RIPOR2: variants seen among roughly 807,000 people sequenced by gnomAD.
RIPOR2 encodes rho family-interacting cell polarization regulator 2.
A neutral mutation model predicts 114.5 loss-of-function variants in RIPOR2; 39 were observed. The ratio of observed to expected loss-of-function variants is 0.34; its 90% CI spans 0.26 to 0.44. The LOEUF is 0.44. Among genes scored for constraint, RIPOR2 ranks in the 20% least tolerant of loss-of-function variants. RIPOR2 has a pLI of 1.00. For synonymous variants in RIPOR2, 445 were observed against 484.4 expected (o/e 0.92, Z 1.07); for missense variants, 1,007 against 1,255.1 (o/e 0.80, Z 2.99).
Position 25,033,296 on chromosome 6 carries a change from A to T in RIPOR2, c.76+8555T>A, listed in dbSNP as rs149101817. Among the ~76,000 whole-genome samples, 679 of 152,332 alleles carry T rather than the reference A, an allele frequency of 4.5e-3. 2 individuals are homozygous for T. The highest frequency in any genetic ancestry group is 6.2e-3 in the Non-Finnish European group (423 of 68,034). On this transcript the variant is annotated intron_variant, in intron 1 of 13. Transcript: ENST00000510784. ...ACTTAATGGGCTATAATCTATTAAC[A>T]TCATTGTTTATTTGATGCTCACAGT...
rs1289495509 is a variant in RIPOR2 at position 24,858,651 on chromosome 6, A to G, written c.715+2322T>C. 6.6e-6 allele frequency among the ~76,000 whole-genome samples: 1 copy of G among 152,112 alleles called. No individual in the cohort carries two copies. The highest frequency in any genetic ancestry group is 1.5e-5 in the Non-Finnish European group (1 of 68,022). The stretch of plus-strand genomic sequence containing the variant: ...AAGTGGAGGAGACAGGAGTCTATCA[A>G]TGAGGAAGGAGATTTAGTCTCAGGC... On this transcript the variant is annotated intron_variant, in intron 8 of 21. Coordinates refer to ENST00000643898, the MANE Select transcript of RIPOR2 (RefSeq NM_001286445.3). This position sits in a 1 kb window ranked among gnomAD's most constrained non-coding sequence, Gnocchi z 4.0.
intron 17 of RIPOR2, among the ~76,000 whole-genome samples, chr6:24,829,494 G>A (rs1277865031): frequency 3.9e-5 from 6 of 152,022 alleles, no homozygotes; most frequent in African/African-American, 1.2e-4. Flanking sequence ...CAGGCATGTT[G>A]GCATCTATCT....
intron 8 of RIPOR2, among the ~76,000 whole-genome samples, chr6:24,859,334 G>A (rs1763827339): frequency 6.6e-6 from 1 of 152,170 alleles, no homozygotes; most frequent in African/African-American, 2.4e-5. Flanking sequence ...GTCTGTGTGG[G>A]TGGCGTCTGA....
intron 1 of RIPOR2, among the ~76,000 whole-genome samples, chr6:25,040,185 C>T (rs1299636346): frequency 1.3e-5 from 2 of 151,822 alleles, no homozygotes; most frequent in Non-Finnish European, 2.9e-5. Context: ...GCACAATCTC[C>T]GCTCACTGCA....
intron 15 of RIPOR2, among the ~76,000 whole-genome samples, chr6:24,833,545 G>A (rs1004690942): frequency 1.3e-5 from 2 of 151,878 alleles, no homozygotes; most frequent in Non-Finnish European, 2.9e-5. Flanking sequence ...ACAAAACAAA[G>A]TCTAGTGCAG....
chr6:24,828,133 C>T lies in RIPOR2; in HGVS notation c.2665+4G>A, dbSNP rs1484458548. 1 of 1,541,908 alleles carries T rather than the reference C, an allele frequency of 6.5e-7. No individual in the cohort carries two copies. ...CTACAATGTGACAAAAGAACATGTC[C>T]CACCTTGCCTGGCCAGCTGGCTCAG... On this transcript the variant is annotated splice_donor_region_variant and intron_variant, in intron 18 of 21. Transcript: ENST00000643898.
At chr6:24,826,522 T>A (rs1484236130) in intron 18 of RIPOR2, among the ~76,000 whole-genome samples, 3 of 152,176 alleles carry the variant, frequency 2.0e-5, no homozygotes, top group Non-Finnish European at 4.4e-5. Context: ...ATTTCCTATT[T>A]TCCTTGCTGT....
intron 18 of RIPOR2, among the ~76,000 whole-genome samples, chr6:24,827,367 G>A (rs1251335520): frequency 6.6e-6 from 1 of 152,192 alleles, no homozygotes; most frequent in African/African-American, 2.4e-5. Context: ...ATGTTCTGGA[G>A]AGAGAAGGGG....
At chr6:25,012,532 T>G (rs1007549038) in intron 1 of RIPOR2, among the ~76,000 whole-genome samples, 10 of 152,228 alleles carry the variant, frequency 6.6e-5, no homozygotes, top group African/African-American at 1.4e-4. Context: ...CAATGGAATA[T>G]AATTTGTCTA....
intron 1 of RIPOR2, among the ~76,000 whole-genome samples, chr6:25,013,311 G>A (rs1175059973): frequency 6.6e-6 from 1 of 152,044 alleles, no homozygotes; most frequent in Non-Finnish European, 1.5e-5. Context: ...CTTCAGTGGT[G>A]GTCTGAAGAC....
At chr6:24,809,660 A>G in intron 21 of RIPOR2, 57 bp downstream of exon 21, 1 of 1,162,918 alleles carries the variant, frequency 8.6e-7, no homozygotes, top group Non-Finnish European at 1.3e-6. Flanking sequence ...AAATGGGAAC[A>G]TCCGTTAGAG....
upstream of RIPOR2, chr6:25,042,035 C>G (rs565264263): frequency 1.5e-4 from 73 of 473,152 alleles, no homozygotes; most frequent in African/African-American, 1.5e-3. Context: ...GAAAACTTAA[C>G]CCCCCCCTTT....
chr6:24,889,442 C>T (rs1191670027), intron 1 of RIPOR2, among the ~76,000 whole-genome samples: 1 of 152,006 alleles, frequency 6.6e-6, no homozygotes, highest in Non-Finnish European at 1.5e-5. Context: ...ATTTTAGTTG[C>T]TTATTGTTAG....
At position 24,806,223 on chromosome 6, in the gene RIPOR2, G is replaced by C. The variant is rs1780761495; in HGVS notation, c.*150C>G. 1 of 659,672 alleles carries C rather than the reference G, an allele frequency of 1.5e-6. No individual in the cohort carries two copies. The highest frequency in any genetic ancestry group is 2.8e-5 in the Admixed American group (1 of 35,284). 40.9% of individuals were successfully genotyped at this position (659,672 alleles called of 1,614,324 possible). ...CTGCGTTGGCCTCCCAAAGTACTGG[G>C]ATTACAGGCATGAGCCACTGCACCT... On this transcript the variant is annotated 3_prime_UTR_variant, in exon 22 of 22. Transcript: ENST00000643898.
chr6:24,840,087 CCA>C, intron 13 of RIPOR2: 1 of 699,338 alleles, frequency 1.4e-6, no homozygotes, highest in Non-Finnish European at 1.8e-6. Flanking sequence ...GTAGCTGAGA[CCA>C]CAGGCATGTG....
intron 1 of RIPOR2, chr6:25,023,098 G>C (rs535281440): frequency 1.4e-5 from 6 of 444,256 alleles, no homozygotes; most frequent in African/African-American, 4.0e-5. Context: ...CAGGCTTCAG[G>C]GGACCAGGGA....
chr6:24,946,653 C>A (rs1772426495), intron 1 of RIPOR2, among the ~76,000 whole-genome samples: 1 of 152,108 alleles, frequency 6.6e-6, no homozygotes, highest in Non-Finnish European at 1.5e-5. Context: ...TACAGCAGGA[C>A]CTGTAGGGCA....
At chr6:24,914,641 A>G (rs1381882161) in intron 1 of RIPOR2, among the ~76,000 whole-genome samples, 1 of 152,198 alleles carries the variant, frequency 6.6e-6, no homozygotes, top group Non-Finnish European at 1.5e-5. Context: ...ACTGAACTGT[A>G]TCCCATTCTC....
chr6:24,920,466 T>C, intron 1 of RIPOR2, among the ~76,000 whole-genome samples: 1 of 152,216 alleles, frequency 6.6e-6, no homozygotes, highest in East Asian at 1.9e-4. Context: ...CCTTTCCCTC[T>C]GATCTTTCCT....
Sources: gnomAD v4.1 joint callset for allele counts (sites outside exome capture counted in the v4.1 genomes callset) on GRCh38, gnomAD v4.1.1 for gene constraint, Gnocchi (gnomAD v3.1) non-coding constraint, MANE v1.5 for transcripts, NCBI Gene and HGNC (gene_info 2026-07-23, HGNC 2026-07-21) for gene names.